RORA: variants seen among roughly 807,000 people sequenced by gnomAD.
The protein encoded by RORA is nuclear receptor ROR-alpha.
A neutral mutation model predicts 69.5 loss-of-function variants in RORA; 7 were observed. The ratio of observed to expected loss-of-function variants is 0.10; its 90% CI spans 0.06 to 0.19. The LOEUF is 0.19. RORA is among the 10% of genes least tolerant of loss of function. The probability of loss-of-function intolerance (pLI) is 1.00; values close to 1 mark genes in which losing one functional copy is unlikely to be tolerated. For synonymous variants in RORA, 261 were observed against 240.8 expected (o/e 1.08, Z -0.78); for missense variants, 457 against 663.0 (o/e 0.69, Z 3.41).
rs150634390 is a variant in RORA at position 60,917,484 on chromosome 15, C to A, written c.167-238798G>T. ...CTTGGTCTTATTTTTGAAAGTTCTACGAGCCTAGCCTAGACACTCCCGGGA... is the reference window on the plus strand; with the variant it reads ...CTTGGTCTTATTTTTGAAAGTTCTAAGAGCCTAGCCTAGACACTCCCGGGA... On this transcript the variant is annotated intron_variant, in intron 1 of 10. Coordinates refer to ENST00000335670, the MANE Select transcript of RORA (RefSeq NM_134261.3). Among the ~76,000 whole-genome samples the A allele has an allele frequency of 1.4e-4, 21 of 152,276 alleles. No homozygotes were observed. The East Asian group carries it at 3.7e-3, about 27-fold the overall frequency.
intron 1 of RORA, among the ~76,000 whole-genome samples, chr15:60,936,932 AGAG>A (rs1349499068): frequency 6.6e-6 from 1 of 152,216 alleles, no homozygotes; most frequent in Non-Finnish European, 1.5e-5. Context: ...TCATTAGATA[AGAG>A]GAGTATTACA....
Position 60,511,134 on chromosome 15 carries a change from T to G in RORA, c.820+92A>C, listed in dbSNP as rs2065684647. 1 of 1,366,288 alleles carries G rather than the reference T, an allele frequency of 7.3e-7. No homozygotes were observed. Among genetic ancestry groups the G allele is most frequent in the African/African-American group, 1.5e-5 (1 of 68,874 alleles). The allele number at this position is 1,366,288 out of a possible 1,614,324, so 84.6% of individuals were successfully genotyped here. A position where few individuals can be genotyped will look rare whatever the true frequency, so the allele number is the denominator to read the frequency against. On this transcript the variant is annotated intron_variant, in intron 5 of 10. Coordinates refer to ENST00000335670, the MANE Select transcript of RORA (RefSeq NM_134261.3). This position sits in a 1 kb window ranked among gnomAD's most constrained non-coding sequence, Gnocchi z 6.4. The stretch of plus-strand genomic sequence containing the variant: ...AAATGGTAAAGGTGAATTGCATCAT[T>G]TAGCAGAACTCATTAGAGGAAAGTC...
chr15:60,996,167 T>C (rs575946390), intron 1 of RORA, among the ~76,000 whole-genome samples: 77 of 151,754 alleles, frequency 5.1e-4, no homozygotes, highest in Non-Finnish European at 9.0e-4. Context: ...GCCTCCCAGG[T>C]TCAAGTGATT....
intron 5 of RORA, among the ~76,000 whole-genome samples, chr15:60,509,794 A>G (rs112810349): frequency 6.4e-4 from 4 of 6,212 alleles, no homozygotes; most frequent in African/African-American, 7.7e-4. Flanking sequence ...CTAGTTCAAG[A>G]AAAAAAAAAA....
chr15:61,035,776 C>CA (rs1413846204), intron 1 of RORA, among the ~76,000 whole-genome samples: 1 of 152,132 alleles, frequency 6.6e-6, no homozygotes, highest in Admixed American at 6.5e-5. Flanking sequence ...AAGGTGGATA[C>CA]AAATACACAA....
chr15:60,594,091 A>AT (rs1229316126), intron 2 of RORA, among the ~76,000 whole-genome samples: 5 of 152,132 alleles, frequency 3.3e-5, no homozygotes, highest in African/African-American at 9.7e-5. Context: ...TTTCTTAAAG[A>AT]TTTTTCCCCC....
At chr15:61,038,032 T>A (rs192550479) in intron 1 of RORA, among the ~76,000 whole-genome samples, 1 of 152,330 alleles carries the variant, frequency 6.6e-6, no homozygotes, top group African/African-American at 2.4e-5. Context: ...TTTGATTAAA[T>A]GTTTGTTGTT....
intron 1 of RORA, among the ~76,000 whole-genome samples, chr15:61,034,420 C>T (rs769910778): frequency 3.9e-5 from 6 of 152,044 alleles, no homozygotes; most frequent in Non-Finnish European, 8.8e-5. Flanking sequence ...AAAGCTGTTG[C>T]CTTTCTAATT....
intron 1 of RORA, among the ~76,000 whole-genome samples, chr15:61,075,018 C>T (rs1354696396): frequency 2.0e-5 from 3 of 150,268 alleles, no homozygotes; most frequent in East Asian, 3.9e-4. Flanking sequence ...ACCCGGGAGG[C>T]GGAGCTTGCA....
chr15:60,734,334 G>A (rs138725198), intron 1 of RORA, among the ~76,000 whole-genome samples: 15 of 152,116 alleles, frequency 9.9e-5, no homozygotes, highest in Non-Finnish European at 1.8e-4. Flanking sequence ...GAAGTTTGGG[G>A]ACCACTACCC....
intron 1 of RORA, among the ~76,000 whole-genome samples, chr15:61,004,978 G>A (rs1047512673): frequency 1.3e-5 from 2 of 152,192 alleles, no homozygotes; most frequent in Non-Finnish European, 2.9e-5. Flanking sequence ...AGTCTTTCTG[G>A]AGTTAAATTA....
At chr15:61,172,630 C>T (rs1234969891) in intron 1 of RORA, among the ~76,000 whole-genome samples, 1 of 152,180 alleles carries the variant, frequency 6.6e-6, no homozygotes, top group African/African-American at 2.4e-5. Context: ...AATTCAGAGA[C>T]TGCTTATCAC....
intron 1 of RORA, among the ~76,000 whole-genome samples, chr15:60,892,830 G>T (rs2073826063): frequency 6.6e-6 from 1 of 152,218 alleles, no homozygotes; most frequent in Non-Finnish European, 1.5e-5. Context: ...GGGAAGGAAA[G>T]TTGGCATGCT....
At chr15:60,769,319 C>T (rs1310450994) in intron 1 of RORA, among the ~76,000 whole-genome samples, 1 of 152,178 alleles carries the variant, frequency 6.6e-6, no homozygotes, top group East Asian at 1.9e-4. Context: ...AACCTGTTAA[C>T]TCTTTTTGTC....
chr15:60,551,593 G>C (rs746927244), intron 2 of RORA, among the ~76,000 whole-genome samples: 2 of 152,148 alleles, frequency 1.3e-5, no homozygotes, highest in Non-Finnish European at 2.9e-5. Flanking sequence ...CAATGATACT[G>C]TACTACTGTC....
intron 1 of RORA, among the ~76,000 whole-genome samples, chr15:60,949,929 T>A (rs980793980): frequency 2.6e-5 from 4 of 152,160 alleles, no homozygotes; most frequent in African/African-American, 9.7e-5. Flanking sequence ...AAACTGAATC[T>A]TAAAGAGTCA....
intron 1 of RORA, among the ~76,000 whole-genome samples, chr15:61,007,636 A>G: frequency 6.6e-6 from 1 of 151,344 alleles, no homozygotes; most frequent in Non-Finnish European, 1.5e-5. Flanking sequence ...ACATATTTTT[A>G]TTACAAAGGA....
At chr15:61,150,980 A>G (rs2079392755) in intron 1 of RORA, among the ~76,000 whole-genome samples, 1 of 152,254 alleles carries the variant, frequency 6.6e-6, no homozygotes, top group African/African-American at 2.4e-5. Flanking sequence ...CCTTACCAAG[A>G]AAGAGAATAC....
intron 1 of RORA, among the ~76,000 whole-genome samples, chr15:60,771,661 C>A (rs528823926): frequency 1.3e-3 from 203 of 152,322 alleles, no homozygotes; most frequent in Non-Finnish European, 1.9e-3. Context: ...TTAGCACGAA[C>A]CCCATACATG....
Sources: gnomAD v4.1 joint callset for allele counts (sites outside exome capture counted in the v4.1 genomes callset) on GRCh38, gnomAD v4.1.1 for gene constraint, Gnocchi (gnomAD v3.1) non-coding constraint, MANE v1.5 for transcripts, NCBI Gene and HGNC (gene_info 2026-07-23, HGNC 2026-07-21) for gene names.